CELF2: variants seen among roughly 807,000 people sequenced by gnomAD.
The protein encoded by CELF2 is CUGBP Elav-like family member 2.
A neutral mutation model predicts 62.6 loss-of-function variants in CELF2; 8 were observed. The observed-to-expected ratio is 0.13, with a 90% CI of 0.07 to 0.23. The LOEUF (loss-of-function observed/expected upper bound fraction) is 0.23. Among genes scored for constraint, CELF2 ranks in the 10% least tolerant of loss-of-function variants. CELF2 has a pLI of 1.00. For synonymous variants in CELF2, 258 were observed against 250.0 expected (o/e 1.03, Z -0.30); for missense variants, 333 against 671.0 (o/e 0.50, Z 5.56).
At chr10:10,742,381 C>A in the CELF2 span, among the ~76,000 whole-genome samples, 1 of 152,072 alleles carries the variant, frequency 6.6e-6, no homozygotes, top group Non-Finnish European at 1.5e-5. Context: ...ATTATCCCAG[C>A]ATTTTGGGAT....
At chr10:10,567,897 T>A in the CELF2 span, among the ~76,000 whole-genome samples, 14 of 152,138 alleles carry the variant, frequency 9.2e-5, no homozygotes, top group African/African-American at 2.7e-4. Flanking sequence ...CCTTCATTCA[T>A]TCATTCAACA....
intron 1 of CELF2, among the ~76,000 whole-genome samples, chr10:11,070,371 T>G (rs2069510212): frequency 6.6e-6 from 1 of 151,982 alleles, no homozygotes. Flanking sequence ...CCTGTAGACA[T>G]GAGGAGGATT....
At chr10:10,671,219 A>C in the CELF2 span, among the ~76,000 whole-genome samples, 5 of 150,826 alleles carry the variant, frequency 3.3e-5, no homozygotes, top group Non-Finnish European at 4.4e-5. Flanking sequence ...AAAAAAAAAA[A>C]AGAATTAGGC....
Position 10,937,008 on chromosome 10 carries a change from C to T in CELF2, c.89+17009C>T, listed in dbSNP as rs375078360. On this transcript the variant is annotated intron_variant, in intron 2 of 13. Transcript: ENST00000636488. ...ACCGACACTTGCCAAGTCTCTCATC[C>T]GGAGCTTTAAGAATTTGATGCTTAG... Among the ~76,000 whole-genome samples, 31 of 152,040 alleles carry T rather than the reference C, an allele frequency of 2.0e-4. No homozygotes were observed. In the East Asian group the frequency reaches 5.2e-3, roughly 26 times the overall value.
chr10:11,263,835 G>A (rs1321233582), intron 5 of CELF2, among the ~76,000 whole-genome samples: 2 of 152,224 alleles, frequency 1.3e-5, no homozygotes, highest in Non-Finnish European at 2.9e-5. Flanking sequence ...GTGACCTCCT[G>A]TTTTAGAGAA....
the CELF2 span, among the ~76,000 whole-genome samples, chr10:10,523,233 A>T: frequency 5.9e-5 from 9 of 152,222 alleles, no homozygotes; most frequent in Admixed American, 3.3e-4. Context: ...ACTTCAAGCC[A>T]TCGAGGTTTA....
chr10:11,228,757 C>T (rs536626337), intron 3 of CELF2, among the ~76,000 whole-genome samples: 1 of 147,970 alleles, frequency 6.8e-6, no homozygotes, highest in African/African-American at 2.5e-5. Flanking sequence ...TTGGAACCAC[C>T]ATTTTATCAT....
intron 1 of CELF2, among the ~76,000 whole-genome samples, chr10:11,049,367 A>G (rs2063470664): frequency 6.6e-6 from 1 of 151,716 alleles, no homozygotes; most frequent in Non-Finnish European, 1.5e-5. Context: ...TAGTCGTTTT[A>G]CTCGTGTATT....
At chr10:10,978,557 A>G (rs1178995756) in intron 2 of CELF2, among the ~76,000 whole-genome samples, 1 of 152,226 alleles carries the variant, frequency 6.6e-6, no homozygotes, top group Non-Finnish European at 1.5e-5. Context: ...ACTACATGTT[A>G]ATCAGTGTCC....
At chr10:11,079,749 C>CA (rs1564645480) in intron 1 of CELF2, among the ~76,000 whole-genome samples, 1 of 133,752 alleles carries the variant, frequency 7.5e-6, no homozygotes, top group Non-Finnish European at 1.7e-5. Flanking sequence ...CAGCCCCCCC[C>CA]CCCTTTTTAG....
the CELF2 span, among the ~76,000 whole-genome samples, chr10:10,735,920 C>A: frequency 3.9e-5 from 6 of 152,230 alleles, no homozygotes; most frequent in East Asian, 1.2e-3. Context: ...TCTTCTGCAC[C>A]TAAAATTCAG....
chr10:10,589,364 A>C, the CELF2 span, among the ~76,000 whole-genome samples: 1 of 152,218 alleles, frequency 6.6e-6, no homozygotes, highest in Non-Finnish European at 1.5e-5. Context: ...GATTTGTTCT[A>C]CCAGTCTTAA....
intron 1 of CELF2, among the ~76,000 whole-genome samples, chr10:10,893,835 G>A (rs922211964): frequency 2.6e-5 from 4 of 152,082 alleles, no homozygotes; most frequent in Non-Finnish European, 2.9e-5. Flanking sequence ...AGGGGATGGC[G>A]CTAAACTGTT....
intron 2 of CELF2, among the ~76,000 whole-genome samples, chr10:10,943,386 G>T (rs1215640847): frequency 6.6e-6 from 1 of 152,192 alleles, no homozygotes; most frequent in African/African-American, 2.4e-5. Context: ...AAAAAGCCAT[G>T]TGGACCCAAG....
chr10:11,087,454 A>G (rs1350690194), intron 1 of CELF2, among the ~76,000 whole-genome samples: 1 of 152,204 alleles, frequency 6.6e-6, no homozygotes, highest in Non-Finnish European at 1.5e-5. Context: ...TGCCCAGGTG[A>G]AGGGAAGTAG....
chr10:10,490,576 G>T, the CELF2 span, among the ~76,000 whole-genome samples: 31 of 151,910 alleles, frequency 2.0e-4, no homozygotes, highest in East Asian at 5.8e-4. Flanking sequence ...GTTGGGGGGG[G>T]GTGGAGCATG....
intron 8 of CELF2, among the ~76,000 whole-genome samples, chr10:11,283,229 C>T (rs1214628685): frequency 6.6e-6 from 1 of 152,174 alleles, no homozygotes; most frequent in Non-Finnish European, 1.5e-5. Flanking sequence ...CCATCCCCAT[C>T]GAATCAAAGA....
the CELF2 span, among the ~76,000 whole-genome samples, chr10:10,480,055 T>C: frequency 6.6e-6 from 1 of 152,216 alleles, no homozygotes; most frequent in East Asian, 1.9e-4. Flanking sequence ...TCTAGAATCT[T>C]ATTTATGAAT....
chr10:10,476,356 G>A, the CELF2 span, among the ~76,000 whole-genome samples: 1 of 152,112 alleles, frequency 6.6e-6, no homozygotes, highest in Non-Finnish European at 1.5e-5. Flanking sequence ...TTGATGCAGA[G>A]GCAAAGGGCT....
Sources: allele counts gnomAD v4.1 joint callset (sites outside exome capture counted in the v4.1 genomes callset), GRCh38; gene constraint gnomAD v4.1.1; transcripts MANE v1.5; gene names NCBI Gene and HGNC (gene_info 2026-07-23, HGNC 2026-07-21).